Variants in CD58 observed in about 807,000 individuals in gnomAD.
CD58 encodes the protein lymphocyte function-associated antigen 3.
Under a neutral mutation model 27.6 loss-of-function variants are expected in CD58, and 14 were observed. The observed-to-expected ratio is 0.51, with a 90% CI of 0.34 to 0.79. The LOEUF (loss-of-function observed/expected upper bound fraction) is 0.79. Among genes scored for constraint, CD58 ranks in the 30% least tolerant of loss-of-function variants. CD58 has a pLI of 0.02. For synonymous variants in CD58, 117 were observed against 103.8 expected (o/e 1.13, Z -0.77); for missense variants, 268 against 301.7 (o/e 0.89, Z 0.83).
chr1:116,530,228 C>T lies in CD58; in HGVS notation c.628+5737G>A, dbSNP rs559714935. 6.8e-5 allele frequency among the ~76,000 whole-genome samples: 10 copies of T among 147,346 alleles called. 1 individual carries two copies. Among genetic ancestry groups the T allele is most frequent in the Admixed American group, 3.4e-4 (5 of 14,570 alleles). On this transcript the variant is annotated intron_variant, in intron 3 of 5. Transcript: ENST00000369489. ...CTCATTCTTTTTTTTTTTTTTGAGA[C>T]GGAATCTCACTCTGTCACCCAGGCT...
Position 116,523,581 on chromosome 1 carries a change from G to A in CD58, c.629-1598C>T, listed in dbSNP as rs970951558. ...TTCCCTTCTTTAGTAGCAAAATTCAGATATTCCTTGGCAATAATACTCCCC... is the reference window on the plus strand; with the variant it reads ...TTCCCTTCTTTAGTAGCAAAATTCAAATATTCCTTGGCAATAATACTCCCC... On this transcript the variant is annotated intron_variant, in intron 3 of 5. Transcript: ENST00000369489. The surrounding 1 kb of genome is among the most constrained non-coding windows in gnomAD (Gnocchi z 4.4). Among the ~76,000 whole-genome samples the A allele has an allele frequency of 1.3e-5, 2 of 152,100 alleles. No individual in the cohort carries two copies. The highest frequency in any genetic ancestry group is 6.5e-5 in the Admixed American group (1 of 15,272).
intron 1 of CD58, among the ~76,000 whole-genome samples, chr1:116,548,844 A>T (rs747260839): frequency 7.9e-5 from 12 of 152,010 alleles, no homozygotes; most frequent in Admixed American, 2.6e-4. Context: ...TTGAATGCTT[A>T]CTCTCTGCTG....
chr1:116,562,196 A>T (rs1396977340), intron 1 of CD58, among the ~76,000 whole-genome samples: 2 of 152,224 alleles, frequency 1.3e-5, no homozygotes, highest in Admixed American at 6.5e-5. Flanking sequence ...GGAAAATTTT[A>T]AAAAATAATA....
rs1658431795 is a variant in CD58 at position 116,552,689 on chromosome 1, T to C, written c.71-8085A>G. Reference sequence around the variant, plus strand: ...TTTATTCTTTTTAATAACTACATAATATTCCAGAGCATGAGGGAACCATAA... The same window carrying C: ...TTTATTCTTTTTAATAACTACATAACATTCCAGAGCATGAGGGAACCATAA... On this transcript the variant is annotated intron_variant, in intron 1 of 5. Coordinates refer to ENST00000369489, the MANE Select transcript of CD58 (RefSeq NM_001779.3). The surrounding 1 kb of genome is among the most constrained non-coding windows in gnomAD (Gnocchi z 4.5). Among the ~76,000 whole-genome samples, 1 of 152,170 alleles carries C rather than the reference T, an allele frequency of 6.6e-6. No individual in the cohort carries two copies. The highest frequency in any genetic ancestry group is 1.5e-5 in the Non-Finnish European group (1 of 68,028).
chr1:116,570,913 C>T lies in CD58; in HGVS notation c.60G>A (p.Leu20=), dbSNP rs762796719. 1.9e-6 allele frequency: 3 copies of T among 1,565,738 alleles called. No homozygotes were observed. Among genetic ancestry groups the T allele is most frequent in the South Asian group, 1.2e-5 (1 of 85,800 alleles). ...GCAGGCTTCACTCACCAAAGCAGTG[C>T]AGCAGGCAGACCACGCTGAGGACCC... is the stretch of plus-strand genomic sequence containing the variant. ...ALGVLSVVCL[L]HCFGFISCFS... Residue 20 remains leucine, a synonymous_variant, in exon 1 of 6, where the codon CTG becomes CTA. Transcript: ENST00000369489. This position sits in a 1 kb window ranked among gnomAD's most constrained non-coding sequence, Gnocchi z 6.4.
In CD58 at chr1:116,531,087, A is replaced by G. The variant is rs1184871306; in HGVS notation, c.628+4878T>C. ...TAATTAAAAGAATTTTTTCAAATTAATAGTACTTATTTCAAATCAATAAGA... is the reference window on the plus strand; with the variant it reads ...TAATTAAAAGAATTTTTTCAAATTAGTAGTACTTATTTCAAATCAATAAGA... On this transcript the variant is annotated intron_variant, in intron 3 of 5. Transcript: ENST00000369489. The surrounding 1 kb of genome is among the most constrained non-coding windows in gnomAD (Gnocchi z 4.5). Among the ~76,000 whole-genome samples the G allele has an allele frequency of 6.6e-6, 1 of 152,266 alleles. No homozygotes were observed. Among genetic ancestry groups the G allele is most frequent in the African/African-American group, 2.4e-5 (1 of 41,472 alleles).
At position 116,536,896 on chromosome 1, in the gene CD58, A is replaced by AT. The variant is rs1657828293; in HGVS notation, c.365-669dup. Among the ~76,000 whole-genome samples the AT allele has an allele frequency of 6.6e-6, 1 of 152,200 alleles. No individual in the cohort carries two copies. The highest frequency in any genetic ancestry group is 2.1e-4 in the South Asian group (1 of 4,834). On this transcript the variant is annotated intron_variant, in intron 2 of 5. Transcript: ENST00000369489. The surrounding 1 kb of genome is among the most constrained non-coding windows in gnomAD (Gnocchi z 5.4). ...AGCTGCAAATCCTGACCTGACCTGAATTAACACAAGGATTTGAGTCTTTCT... is the reference window on the plus strand; with the variant it reads ...AGCTGCAAATCCTGACCTGACCTGAATTTAACACAAGGATTTGAGTCTTTCT...
At chr1:116,535,798 G>A (rs1455190655) in intron 3 of CD58, among the ~76,000 whole-genome samples, 167 bp downstream of exon 3, 4 of 83,770 alleles carry the variant, frequency 4.8e-5, no homozygotes, top group South Asian at 5.8e-4. Context: ...CCGAGATCGC[G>A]CCACTGCACT....
chr1:116,530,053 A>G (rs1657547790), intron 3 of CD58, among the ~76,000 whole-genome samples: 1 of 152,202 alleles, frequency 6.6e-6, no homozygotes, highest in South Asian at 2.1e-4. Flanking sequence ...AATCAAAGAA[A>G]ACTTTAAAAT....
At chr1:116,543,547 C>T (rs1658061312) in intron 2 of CD58, among the ~76,000 whole-genome samples, 1 of 151,752 alleles carries the variant, frequency 6.6e-6, no homozygotes, top group African/African-American at 2.4e-5. Context: ...AAGACTGCAA[C>T]ACAAAAGGGG....
intron 1 of CD58, among the ~76,000 whole-genome samples, chr1:116,547,128 A>G (rs1658207887): frequency 6.8e-6 from 1 of 147,652 alleles, no homozygotes; most frequent in Non-Finnish European, 1.5e-5. Context: ...CACTGTACCC[A>G]GTGTGTAGTC....
rs1657984106 is a variant in CD58 at position 116,541,419 on chromosome 1, T to G, written c.364+2892A>C. On this transcript the variant is annotated intron_variant, in intron 2 of 5. Transcript: ENST00000369489. The surrounding 1 kb of genome is among the most constrained non-coding windows in gnomAD (Gnocchi z 5.3). ...TAGCCTTGCAAGTCGCTTTACACATTTTAGCTTTAACAGAGTTAGATGGGG... is the reference window on the plus strand; with the variant it reads ...TAGCCTTGCAAGTCGCTTTACACATGTTAGCTTTAACAGAGTTAGATGGGG... Among the ~76,000 whole-genome samples the G allele has an allele frequency of 6.6e-6, 1 of 152,208 alleles. No individual in the cohort carries two copies. The highest frequency in any genetic ancestry group is 2.4e-5 in the African/African-American group (1 of 41,452).
chr1:116,519,126 C>T lies in CD58; in HGVS notation c.743+105G>A. On this transcript the variant is annotated intron_variant, in intron 5 of 5. Transcript: ENST00000369489. This position sits in a 1 kb window ranked among gnomAD's most constrained non-coding sequence, Gnocchi z 4.7. Reference sequence around the variant, plus strand: ...GCTGATGTTACTTCTTATTACTGTACAAGGCAACCAACAGATGAGTACAAT... The same window carrying T: ...GCTGATGTTACTTCTTATTACTGTATAAGGCAACCAACAGATGAGTACAAT... 6.4e-7 allele frequency: 1 copy of T among 1,562,910 alleles called. No individual in the cohort carries two copies. The highest frequency in any genetic ancestry group is 8.7e-7 in the Non-Finnish European group (1 of 1,151,764).
Position 116,532,641 on chromosome 1 carries a change from C to A in CD58, c.628+3324G>T, listed in dbSNP as rs1324361514. On this transcript the variant is annotated intron_variant, in intron 3 of 5. Coordinates refer to ENST00000369489, the MANE Select transcript of CD58 (RefSeq NM_001779.3). The surrounding 1 kb of genome is among the most constrained non-coding windows in gnomAD (Gnocchi z 5.1). The stretch of plus-strand genomic sequence containing the variant: ...CCATCCCACCCCACCCCAATGGGGT[C>A]TATGGGGCCCTCCCGCAGGGAAGGG... 1.4e-5 allele frequency among the ~76,000 whole-genome samples: 2 copies of A among 142,978 alleles called. No individual in the cohort carries two copies. The highest frequency in any genetic ancestry group is 1.4e-4 in the Admixed American group (2 of 14,536). The allele number at this position is 142,978 out of a possible 152,430, so 93.8% of individuals were successfully genotyped here.
chr1:116,545,354 C>T (rs898462455), intron 1 of CD58, among the ~76,000 whole-genome samples: 9 of 152,156 alleles, frequency 5.9e-5, no homozygotes, highest in African/African-American at 1.7e-4. Flanking sequence ...GAGTAGAGAG[C>T]GGCTGACAGG....
chr1:116,537,149 G>A (rs1004344202), intron 2 of CD58, among the ~76,000 whole-genome samples: 8 of 152,138 alleles, frequency 5.3e-5, no homozygotes, highest in Admixed American at 2.0e-4. Flanking sequence ...TCAGCTACTT[G>A]CAACTGCTTG....
rs1443527641 is a variant in CD58, at chr1:116,531,180, G to C, written c.628+4785C>G. On this transcript the variant is annotated intron_variant, in intron 3 of 5. Transcript: ENST00000369489. This position sits in a 1 kb window ranked among gnomAD's most constrained non-coding sequence, Gnocchi z 4.5. ...GGGAAAGTAATCTTACTTTCAGTAA[G>C]AGTAATTTTACTTTGTGTCTTCAAA... 6.6e-6 allele frequency among the ~76,000 whole-genome samples: 1 copy of C among 152,136 alleles called. No homozygotes were observed. Among genetic ancestry groups the C allele is most frequent in the Non-Finnish European group, 1.5e-5 (1 of 68,018 alleles).
chr1:116,562,675 G>A (rs895563817), intron 1 of CD58, among the ~76,000 whole-genome samples: 4 of 152,220 alleles, frequency 2.6e-5, no homozygotes, highest in African/African-American at 9.6e-5. Flanking sequence ...GCAGGCAAGA[G>A]AGAGCGTGTG....
In CD58 at chr1:116,533,969, G is replaced by A. The variant is rs140584081; in HGVS notation, c.628+1996C>T. 3.6e-4 allele frequency: 516 copies of A among 1,430,802 alleles called. 2 individuals are homozygous for A. The African/African-American group carries it at 6.5e-3, about 18-fold the overall frequency. 88.6% of individuals were successfully genotyped at this position (1,430,802 alleles called of 1,614,324 possible). On this transcript the variant is annotated intron_variant, in intron 3 of 5. Coordinates refer to ENST00000369489, the MANE Select transcript of CD58 (RefSeq NM_001779.3). Reference sequence around the variant, plus strand: ...TGAGGGGCATTGTCAAGTCGCTCCTGTAAAGCTGCCAAAACTCCAGGATTC... The same window carrying A: ...TGAGGGGCATTGTCAAGTCGCTCCTATAAAGCTGCCAAAACTCCAGGATTC...
Sources: allele counts gnomAD v4.1 joint callset (sites outside exome capture counted in the v4.1 genomes callset), GRCh38; gene constraint gnomAD v4.1.1; non-coding constraint Gnocchi (gnomAD v3.1); transcripts MANE v1.5; gene names NCBI Gene and HGNC (gene_info 2026-07-23, HGNC 2026-07-21).